Variants in THSD7B observed in about 807,000 individuals in gnomAD.
The protein encoded by THSD7B is thrombospondin type-1 domain-containing protein 7B.
THSD7B carries 138 observed loss-of-function variants against 213.6 expected under a neutral mutation model. The observed-to-expected ratio is 0.65, with a 90% CI of 0.56 to 0.74. THSD7B has a LOEUF of 0.74. Among genes scored for constraint, THSD7B ranks in the 30% least tolerant of loss-of-function variants. THSD7B has a pLI of 0.00. For missense variants in THSD7B, 1,931 were observed against 1,991.5 expected (o/e 0.97, Z 0.58); for synonymous variants, 742 against 687.0 (o/e 1.08, Z -1.25).
chr2:137,486,042 T>C lies in THSD7B; in HGVS notation c.3138+35019T>C, dbSNP rs574671920. On this transcript the variant is annotated intron_variant, in intron 15 of 27. Transcript: ENST00000409968. ...ACCGGTACCAGCCGCTGCAAAATCA[T>C]GCCAAATTGTAAAGACCATGAAGGC... Among the ~76,000 whole-genome samples the C allele has an allele frequency of 3.3e-5, 5 of 152,350 alleles. No individual in the cohort carries two copies. The East Asian group carries it at 9.6e-4, about 29-fold the overall frequency.
In THSD7B at chr2:137,570,390, A is replaced by T. The variant is rs1444897327; in HGVS notation, c.3273-2016A>T. ...GTGGCGTGATCTCGGCTCACTGCAA[A>T]CTCAGCCTCCCGGGTTCACGCCATT... is the stretch of plus-strand genomic sequence containing the variant. On this transcript the variant is annotated intron_variant, in intron 16 of 27. Coordinates refer to ENST00000409968, the MANE Select transcript of THSD7B (RefSeq NM_001316349.2). Among the ~76,000 whole-genome samples, 3 of 151,478 alleles carry T rather than the reference A, an allele frequency of 2.0e-5. No homozygotes were observed. The East Asian group carries it at 5.8e-4, about 29-fold the overall frequency.
At chr2:137,566,038 A>G (rs1200958827) in intron 16 of THSD7B, among the ~76,000 whole-genome samples, 2 of 152,300 alleles carry the variant, frequency 1.3e-5, no homozygotes, top group East Asian at 3.9e-4. Context: ...GTTACCTTGC[A>G]TTCTAAACTA....
intron 12 of THSD7B, among the ~76,000 whole-genome samples, chr2:137,334,661 A>G (rs1684597496): frequency 6.6e-6 from 1 of 152,180 alleles, no homozygotes. Context: ...TGCTTCCGGC[A>G]TTCTTAGGGT....
chr2:137,496,409 C>G (rs955182250), intron 15 of THSD7B, among the ~76,000 whole-genome samples: 1 of 152,132 alleles, frequency 6.6e-6, no homozygotes, highest in African/African-American at 2.4e-5. Flanking sequence ...TTAATATGCG[C>G]TCTTACCCCA....
At chr2:137,542,874 G>A (rs1057137811) in intron 15 of THSD7B, among the ~76,000 whole-genome samples, 11 of 151,832 alleles carry the variant, frequency 7.2e-5, no homozygotes, top group South Asian at 2.1e-4. Flanking sequence ...ATTTATGATC[G>A]TTTTGGCAAT....
intron 6 of THSD7B, among the ~76,000 whole-genome samples, chr2:137,161,079 A>G (rs771276066): frequency 6.6e-6 from 1 of 152,158 alleles, no homozygotes; most frequent in Non-Finnish European, 1.5e-5. Flanking sequence ...AAGGGTCATT[A>G]TGTATATTGT....
chr2:136,929,631 C>T (rs1243182129), intron 2 of THSD7B, among the ~76,000 whole-genome samples: 1 of 152,138 alleles, frequency 6.6e-6, no homozygotes, highest in Non-Finnish European at 1.5e-5. Context: ...GGTATTTTGT[C>T]TTATCAGCTT....
intron 2 of THSD7B, among the ~76,000 whole-genome samples, chr2:136,941,964 G>C (rs904632202): frequency 1.3e-5 from 2 of 152,140 alleles, no homozygotes; most frequent in Non-Finnish European, 2.9e-5. Context: ...TTCTTCTAGG[G>C]TTTTTATGGT....
intron 2 of THSD7B, among the ~76,000 whole-genome samples, chr2:136,927,074 A>T (rs1684546204): frequency 6.6e-6 from 1 of 152,056 alleles, no homozygotes; most frequent in East Asian, 1.9e-4. Flanking sequence ...AAAAGACCTT[A>T]TGATTTGTCT....
intron 17 of THSD7B, among the ~76,000 whole-genome samples, chr2:137,586,478 T>G (rs1449184154): frequency 3.9e-5 from 6 of 152,244 alleles, no homozygotes; most frequent in Admixed American, 1.3e-4. Flanking sequence ...TGGTACCGGT[T>G]GTTCCTTTCC....
intron 10 of THSD7B, among the ~76,000 whole-genome samples, chr2:137,260,900 C>T (rs926152354): frequency 3.3e-5 from 5 of 151,962 alleles, no homozygotes; most frequent in African/African-American, 1.2e-4. Flanking sequence ...GTAATTCGGT[C>T]ATTTTTTTCA....
intron 12 of THSD7B, among the ~76,000 whole-genome samples, chr2:137,328,299 T>C (rs2104888926): frequency 6.6e-6 from 1 of 152,330 alleles, no homozygotes; most frequent in South Asian, 2.1e-4. Flanking sequence ...AACACATTTA[T>C]GCACAAATAC....
chr2:137,425,338 T>C, intron 14 of THSD7B, among the ~76,000 whole-genome samples: 1 of 151,938 alleles, frequency 6.6e-6, no homozygotes, highest in Non-Finnish European at 1.5e-5. Context: ...TGCCTCAGCC[T>C]CCTGAGTAGC....
chr2:137,302,147 A>G (rs1300659943), intron 12 of THSD7B, among the ~76,000 whole-genome samples: 2 of 152,046 alleles, frequency 1.3e-5, no homozygotes, highest in African/African-American at 2.4e-5. Flanking sequence ...GTACGATGAG[A>G]GATATAATTT....
Position 137,627,545 on chromosome 2 carries a change from A to G in THSD7B, c.3799+6819A>G, listed in dbSNP as rs76427659. ...TTATGGACTCATCTATAAGCTACTC[A>G]CAAATGTATGTGCTGATGTTGTTGA... On this transcript the variant is annotated intron_variant, in intron 20 of 27. Transcript: ENST00000409968. Among the ~76,000 whole-genome samples the G allele has an allele frequency of 3.4e-3, 516 of 152,290 alleles. 5 individuals are homozygous for G. The highest frequency in any genetic ancestry group is 0.012 in the African/African-American group (497 of 41,570).
At chr2:137,501,431 G>GA (rs35738690) in intron 15 of THSD7B, among the ~76,000 whole-genome samples, 48 of 150,840 alleles carry the variant, frequency 3.2e-4, no homozygotes, top group Non-Finnish European at 1.8e-4. Flanking sequence ...TCCACTTTTT[G>GA]AAAAAAAAAA....
chr2:137,198,550 C>A (rs1443937418), intron 7 of THSD7B, among the ~76,000 whole-genome samples: 1 of 152,164 alleles, frequency 6.6e-6, no homozygotes, highest in South Asian at 2.1e-4. Flanking sequence ...AAGAGACTAA[C>A]GGTTTCAGCT....
At chr2:137,336,239 C>A (rs1242387267) in intron 12 of THSD7B, among the ~76,000 whole-genome samples, 1 of 152,098 alleles carries the variant, frequency 6.6e-6, no homozygotes, top group African/African-American at 2.4e-5. Context: ...TAATTAACTG[C>A]CTTCCAAAGC....
intron 12 of THSD7B, among the ~76,000 whole-genome samples, chr2:137,392,380 C>T (rs1686051921): frequency 6.6e-6 from 1 of 152,072 alleles, no homozygotes; most frequent in African/African-American, 2.4e-5. Flanking sequence ...ATTGCTGTCT[C>T]TTTCTTTCTG....
Sources: gnomAD v4.1 joint callset for allele counts (sites outside exome capture counted in the v4.1 genomes callset) on GRCh38, gnomAD v4.1.1 for gene constraint, MANE v1.5 for transcripts, NCBI Gene and HGNC (gene_info 2026-07-23, HGNC 2026-07-21) for gene names.